Variants in CXCL12 observed in about 807,000 individuals in gnomAD.
CXCL12 encodes C-X-C motif chemokine ligand 12, also known as stromal cell-derived factor 1.
CXCL12 carries 4 observed loss-of-function variants against 10.7 expected under a neutral mutation model. That is an observed-to-expected ratio of 0.37 (90% confidence interval 0.18 to 0.86). The LOEUF (loss-of-function observed/expected upper bound fraction) is 0.86, where lower values mean the gene tolerates loss of function less well. Among genes scored for constraint, CXCL12 ranks in the 40% least tolerant of loss-of-function variants. CXCL12 has a pLI of 0.43. For synonymous variants in CXCL12, 54 were observed against 45.4 expected, an observed-to-expected ratio of 1.19 and a Z score of -0.77; for missense variants, 122 against 110.4, an observed-to-expected ratio of 1.10 and a Z score of -0.47.
At chr10:44,372,997 C>T (rs769725236), downstream of CXCL12, 3 of 1,536,068 alleles carry the variant, frequency 2.0e-6, no homozygotes, top group Non-Finnish European at 2.6e-6. Flanking sequence ...AGTCTCCCCA[C>T]CTGCACAGCT....
chr10:44,378,336 A>C lies in CXCL12; in HGVS notation c.*297T>G. Reference sequence around the variant, plus strand: ...GATCATGAAGGAACTAACTGCTTGAAAATGCTGTTGATAATACAATTTCTT... The same window carrying C: ...GATCATGAAGGAACTAACTGCTTGACAATGCTGTTGATAATACAATTTCTT... On this transcript the variant is annotated 3_prime_UTR_variant, in exon 3 of 3. Coordinates refer to ENST00000343575, the MANE Select transcript of CXCL12 (RefSeq NM_199168.4). 6.7e-7 allele frequency: 1 copy of C among 1,492,724 alleles called. No individual in the cohort carries two copies. The allele number at this position is 1,492,724 out of a possible 1,614,324, so 92.5% of individuals were successfully genotyped here. A position where few individuals can be genotyped will look rare whatever the true frequency, so the allele number is the denominator to read the frequency against.
chr10:44,380,652 T>C (rs1023058488), intron 2 of CXCL12, 111 bp downstream of exon 2: 13 of 903,648 alleles, frequency 1.4e-5, no homozygotes, highest in Admixed American at 5.2e-5. Context: ...AAGTTCAAGG[T>C]TGGACACTTG....
chr10:44,374,235 A>G (rs1335305737), downstream of CXCL12: 1 of 351,070 alleles, frequency 2.8e-6, no homozygotes, highest in Non-Finnish European at 5.7e-6. Flanking sequence ...CTAGGGGGCC[A>G]ACAGCTTTTC....
rs17880170 is a variant in CXCL12 at position 44,377,752 on chromosome 10, C to A, written c.*881G>T. The A allele has an allele frequency of 6.0e-3, 9,532 of 1,598,366 alleles. 46 individuals carry two copies. The highest frequency in any genetic ancestry group is 6.3e-3 in the Non-Finnish European group (7,391 of 1,179,780). On this transcript the variant is annotated 3_prime_UTR_variant, in exon 3 of 3. Coordinates refer to ENST00000343575, the MANE Select transcript of CXCL12 (RefSeq NM_199168.4). ...TTGCGGGTAAGCAGGGGGACCATTA[C>A]ACATCCCCAGGAGAGGGCCAGCTCC...
chr10:44,376,010 C>T (rs1460073067), downstream of CXCL12: 1 of 1,613,618 alleles, frequency 6.2e-7, no homozygotes, highest in African/African-American at 1.3e-5. Flanking sequence ...TCTTTTTTCC[C>T]CACTTTTTCT....
Position 44,380,853 on chromosome 10 carries a change from C to T in CXCL12, c.89G>A (p.Cys30Tyr). The stretch of plus-strand genomic sequence containing the variant: ...ATGGCTTTCGAAGAATCGGCATGGG[C>T]ATCTGTAGCTCAGGCTGACGGGCTT... ...DGKPVSLSYR[C>Y]PCRFFESHVA... The change falls in exon 2 of 3, where the codon TGC becomes TAC. Residue 30 changes from cysteine (C) to tyrosine (Y), a missense_variant. Transcript: ENST00000343575. The T allele has an allele frequency of 1.2e-6, 2 of 1,614,178 alleles. No individual in the cohort carries two copies. The highest frequency in any genetic ancestry group is 1.3e-5 in the African/African-American group (1 of 75,050).
In CXCL12 at chr10:44,377,843, G is replaced by A. The variant is rs1320275880; in HGVS notation, c.*790C>T. ...AGCTGTGGGGCAGGCCCTGGGAGGA[G>A]AGGGATGCAGGGCACGAGCCCCAGC... is the stretch of plus-strand genomic sequence containing the variant. On this transcript the variant is annotated 3_prime_UTR_variant, in exon 3 of 3. Transcript: ENST00000343575. 1.3e-6 allele frequency: 2 copies of A among 1,593,258 alleles called. No homozygotes were observed. The highest frequency in any genetic ancestry group is 2.7e-5 in the African/African-American group (2 of 74,822).
intron 1 of CXCL12, among the ~76,000 whole-genome samples, chr10:44,382,422 C>T (rs1393814592): frequency 6.6e-6 from 1 of 152,160 alleles, no homozygotes. Context: ...TCTTTTGGGC[C>T]CTTCCAAGCT....
At chr10:44,375,859 T>A, downstream of CXCL12, 1 of 1,593,240 alleles carries the variant, frequency 6.3e-7, no homozygotes, top group African/African-American at 1.4e-5. Context: ...TGCATGGGGG[T>A]CTGTCCTGGA....
In CXCL12 at chr10:44,377,946, C is replaced by T. The variant is rs1043682686; in HGVS notation, c.*687G>A. On this transcript the variant is annotated 3_prime_UTR_variant, in exon 3 of 3. Coordinates refer to ENST00000343575, the MANE Select transcript of CXCL12 (RefSeq NM_199168.4). ...GCAGAAGCAAGATTAAGCATGCTCT[C>T]GGAGTCGGGGAGAGAGTAGGAATAG... 6.5e-6 allele frequency: 10 copies of T among 1,532,788 alleles called. No individual in the cohort carries two copies. The African/African-American group carries it at 8.2e-5, about 13-fold the overall frequency. The allele number at this position is 1,532,788 out of a possible 1,614,324, so 94.9% of individuals were successfully genotyped here.
intron 1 of CXCL12, among the ~76,000 whole-genome samples, 187 bp downstream of exon 1, chr10:44,384,758 A>T (rs1410081020): frequency 1.3e-5 from 2 of 152,124 alleles, no homozygotes; most frequent in African/African-American, 2.4e-5. Context: ...CAGGTCACAA[A>T]CCCTCGGCGC....
intron 1 of CXCL12, among the ~76,000 whole-genome samples, chr10:44,383,714 C>T (rs1388521296): frequency 1.3e-5 from 2 of 150,890 alleles, no homozygotes; most frequent in African/African-American, 4.9e-5. Flanking sequence ...TTAGGCAGTC[C>T]GCCACGACCC....
chr10:44,379,864 TA>T (rs1251704993), intron 2 of CXCL12, among the ~76,000 whole-genome samples: 2 of 152,180 alleles, frequency 1.3e-5, no homozygotes, highest in African/African-American at 4.8e-5. Context: ...AAACATACTG[TA>T]AATAACAAAC....
At position 44,378,187 on chromosome 10, in the gene CXCL12, G is replaced by T; in HGVS notation, c.*446C>A. ...GACACTTTTTCCAGCTCCCTGTTAA[G>T]CCACCACCTGACTGTGCCCAGACTC... On this transcript the variant is annotated 3_prime_UTR_variant, in exon 3 of 3. Transcript: ENST00000343575. The T allele has an allele frequency of 7.0e-7, 1 of 1,419,068 alleles. No individual in the cohort carries two copies. Among genetic ancestry groups the T allele is most frequent in the Non-Finnish European group, 9.3e-7 (1 of 1,080,892 alleles). 87.9% of individuals were successfully genotyped at this position (1,419,068 alleles called of 1,614,324 possible). A position where few individuals can be genotyped will look rare whatever the true frequency, so the allele number is the denominator to read the frequency against.
chr10:44,378,210 C>A lies in CXCL12; in HGVS notation c.*423G>T. ...AAGCCACCACCTGACTGTGCCCAGACTCCCCAGGGGAGCAGAGGAGATGCT... is the reference window on the plus strand; with the variant it reads ...AAGCCACCACCTGACTGTGCCCAGAATCCCCAGGGGAGCAGAGGAGATGCT... On this transcript the variant is annotated 3_prime_UTR_variant, in exon 3 of 3. Coordinates refer to ENST00000343575, the MANE Select transcript of CXCL12 (RefSeq NM_199168.4). The A allele has an allele frequency of 6.9e-7, 1 of 1,440,830 alleles. No individual in the cohort carries two copies. The highest frequency in any genetic ancestry group is 1.2e-5 in the South Asian group (1 of 80,334). 89.3% of individuals were successfully genotyped at this position (1,440,830 alleles called of 1,614,324 possible).
Position 44,378,543 on chromosome 10 carries a change from C to CT in CXCL12, c.*89_*90insA, listed in dbSNP as rs1168191494. On this transcript the variant is annotated 3_prime_UTR_variant, in exon 3 of 3. Transcript: ENST00000343575. Reference sequence around the variant, plus strand: ...ACACCTGGTCCTCATGGTTAAGGCCCCCTCCCCCACGTCTTTGCCCTTTCA... The same window carrying CT: ...ACACCTGGTCCTCATGGTTAAGGCCCTCCTCCCCCACGTCTTTGCCCTTTCA... The CT allele has an allele frequency of 1.6e-4, 251 of 1,587,862 alleles. No individual in the cohort carries two copies. Among genetic ancestry groups the CT allele is most frequent in the Non-Finnish European group, 2.1e-4 (245 of 1,166,322 alleles).
intron 2 of CXCL12, 85 bp downstream of exon 2, chr10:44,380,678 A>T (rs534850377): frequency 1.6e-5 from 19 of 1,190,350 alleles, no homozygotes; most frequent in Non-Finnish European, 2.3e-5. Context: ...TCACCTCTAC[A>T]CCTTTAATAA....
At chr10:44,382,617 C>T (rs1320907120) in intron 1 of CXCL12, among the ~76,000 whole-genome samples, 1 of 152,104 alleles carries the variant, frequency 6.6e-6, no homozygotes, top group Non-Finnish European at 1.5e-5. Flanking sequence ...TCTGGCCCCC[C>T]AACCAAGCAG....
chr10:44,378,302 G>A lies in CXCL12; in HGVS notation c.*331C>T, dbSNP rs2132043740. 1 of 1,475,064 alleles carries A rather than the reference G, an allele frequency of 6.8e-7. No individual in the cohort carries two copies. The highest frequency in any genetic ancestry group is 3.0e-5 in the East Asian group (1 of 32,812). 91.4% of individuals were successfully genotyped at this position (1,475,064 alleles called of 1,614,324 possible). A position where few individuals can be genotyped will look rare whatever the true frequency, so the allele number is the denominator to read the frequency against. Reference sequence around the variant, plus strand: ...AAAAAATGAGAATGAGAATGATGATGATTGTGATGATCATGAAGGAACTAA... The same window carrying A: ...AAAAAATGAGAATGAGAATGATGATAATTGTGATGATCATGAAGGAACTAA... On this transcript the variant is annotated 3_prime_UTR_variant, in exon 3 of 3. Transcript: ENST00000343575.
Sources: allele counts gnomAD v4.1 joint callset (sites outside exome capture counted in the v4.1 genomes callset), GRCh38; gene constraint gnomAD v4.1.1; transcripts MANE v1.5; gene names NCBI Gene and HGNC (gene_info 2026-07-23, HGNC 2026-07-21).